The following OPCML variants were observed in gnomAD, a reference collection of about 807,000 sequenced individuals.
The protein encoded by OPCML is opioid-binding protein/cell adhesion molecule.
A neutral mutation model predicts 37.8 loss-of-function variants in OPCML; 13 were observed. That is an observed-to-expected ratio of 0.34 (90% CI 0.22 to 0.55). The LOEUF (loss-of-function observed/expected upper bound fraction) is 0.55. Among genes scored for constraint, OPCML ranks in the 20% least tolerant of loss-of-function variants. The pLI is 0.91. For missense variants in OPCML, 341 were observed against 435.6 expected (o/e 0.78, Z 1.93); for synonymous variants, 176 against 168.8 (o/e 1.04, Z -0.33).
intron 2 of OPCML, among the ~76,000 whole-genome samples, chr11:132,910,799 C>T (rs1203807372): frequency 6.6e-6 from 1 of 152,202 alleles, no homozygotes; most frequent in Non-Finnish European, 1.5e-5. Flanking sequence ...CCAGTTGCAA[C>T]TCAATTGCTG....
chr11:133,330,178 A>C (rs1194958078), intron 1 of OPCML, among the ~76,000 whole-genome samples: 1 of 152,238 alleles, frequency 6.6e-6, no homozygotes, highest in Non-Finnish European at 1.5e-5. Context: ...TTAAAAAGTC[A>C]GGAAACAACA....
chr11:133,167,395 C>T (rs1408728353), intron 1 of OPCML, among the ~76,000 whole-genome samples: 1 of 152,146 alleles, frequency 6.6e-6, no homozygotes, highest in African/African-American at 2.4e-5. Context: ...TATTTTCTTG[C>T]CGAACTCCAT....
intron 3 of OPCML, among the ~76,000 whole-genome samples, chr11:132,542,642 C>G (rs973194333): frequency 6.6e-6 from 1 of 152,132 alleles, no homozygotes; most frequent in Non-Finnish European, 1.5e-5. Flanking sequence ...CCTCACCCCC[C>G]ACACCCAGAG....
At chr11:132,794,899 T>TAAAAAAAAAAAAAAAAA (rs55742457) in intron 2 of OPCML, among the ~76,000 whole-genome samples, 1 of 140,750 alleles carries the variant, frequency 7.1e-6, no homozygotes, top group African/African-American at 2.6e-5. Flanking sequence ...ATATCATGAG[T>TAAAAAAAAAAAAAAAAA]AAAAAAAAAA....
At chr11:133,114,889 T>A (rs934939221) in intron 1 of OPCML, among the ~76,000 whole-genome samples, 1 of 152,208 alleles carries the variant, frequency 6.6e-6, no homozygotes, top group African/African-American at 2.4e-5. Context: ...TTAGATGTTT[T>A]GTTGTACATT....
chr11:133,024,543 GC>G, intron 1 of OPCML: 1 of 985,296 alleles, frequency 1.0e-6, no homozygotes. Context: ...TATACCCTTT[GC>G]ACGTAATTCA....
chr11:133,497,189 G>T (rs1021306593), intron 1 of OPCML, among the ~76,000 whole-genome samples: 1 of 152,066 alleles, frequency 6.6e-6, no homozygotes, highest in Non-Finnish European at 1.5e-5. Flanking sequence ...AAACTTCTTG[G>T]AGTCTTTGTT....
chr11:132,428,808 T>C (rs140042384), intron 7 of OPCML, among the ~76,000 whole-genome samples: 2 of 152,294 alleles, frequency 1.3e-5, no homozygotes, highest in East Asian at 1.9e-4. Context: ...ACAATATCAA[T>C]CTCAAAGTGT....
At chr11:133,140,928 C>A (rs1187163633) in intron 1 of OPCML, among the ~76,000 whole-genome samples, 367 of 5,814 alleles carry the variant, frequency 0.063, 56 homozygotes, top group African/African-American at 0.099. Flanking sequence ...AAGACGACGA[C>A]GACGAAGAAG....
At chr11:133,403,259 A>C (rs1945447904) in intron 1 of OPCML, among the ~76,000 whole-genome samples, 1 of 152,210 alleles carries the variant, frequency 6.6e-6, no homozygotes, top group South Asian at 2.1e-4. Flanking sequence ...TATACTTAAT[A>C]TATTGACTGG....
chr11:132,841,029 C>T (rs1484287575), intron 2 of OPCML, among the ~76,000 whole-genome samples: 1 of 152,082 alleles, frequency 6.6e-6, no homozygotes, highest in Non-Finnish European at 1.5e-5. Context: ...GAGTCGTCAT[C>T]GTTCAAGAGG....
At chr11:132,531,240 AG>A (rs1476210465) in intron 3 of OPCML, among the ~76,000 whole-genome samples, 2 of 152,200 alleles carry the variant, frequency 1.3e-5, no homozygotes, top group African/African-American at 4.8e-5. Flanking sequence ...AGGGAGGTAA[AG>A]CTTTGAATGG....
At chr11:132,766,586 C>T (rs1230304367) in intron 2 of OPCML, among the ~76,000 whole-genome samples, 2 of 152,004 alleles carry the variant, frequency 1.3e-5, no homozygotes, top group African/African-American at 4.8e-5. Flanking sequence ...GGGTACTAAC[C>T]CCATCATCAA....
chr11:132,486,771 G>A (rs1243256910), intron 4 of OPCML, among the ~76,000 whole-genome samples: 3 of 151,002 alleles, frequency 2.0e-5, no homozygotes, highest in Admixed American at 6.6e-5. Flanking sequence ...GGTATAAAAC[G>A]GATGGCTAGC....
intron 2 of OPCML, among the ~76,000 whole-genome samples, chr11:132,840,906 C>T (rs1273989226): frequency 1.3e-5 from 2 of 152,120 alleles, no homozygotes; most frequent in African/African-American, 2.4e-5. Context: ...GAAGCAGATG[C>T]GGCAAAAAGA....
intron 1 of OPCML, among the ~76,000 whole-genome samples, chr11:133,244,147 G>A (rs1940833298): frequency 2.0e-5 from 3 of 152,226 alleles, no homozygotes. Context: ...GAGCATGGGG[G>A]TGAGGACACA....
At chr11:132,813,967 G>A (rs567428442) in intron 2 of OPCML, among the ~76,000 whole-genome samples, 78 of 152,238 alleles carry the variant, frequency 5.1e-4, no homozygotes, top group South Asian at 2.1e-4. Context: ...CGTGTCCATC[G>A]CCTTCACAAT....
intron 1 of OPCML, among the ~76,000 whole-genome samples, chr11:133,437,709 C>A (rs1328412714): frequency 6.7e-6 from 1 of 149,794 alleles, no homozygotes; most frequent in Admixed American, 6.6e-5. Flanking sequence ...CTCACCTCTC[C>A]CCTCTCAACC....
intron 1 of OPCML, chr11:133,024,284 G>A (rs1034512300): frequency 6.1e-5 from 55 of 897,398 alleles, no homozygotes; most frequent in East Asian, 1.2e-4. Context: ...TAGAGCAAGC[G>A]TGTTGTGCAG....
Sources: allele counts gnomAD v4.1 joint callset (sites outside exome capture counted in the v4.1 genomes callset), GRCh38; gene constraint gnomAD v4.1.1; transcripts MANE v1.5; gene names NCBI Gene and HGNC (gene_info 2026-07-23, HGNC 2026-07-21).